Variants in PCDHGB3 observed in about 807,000 individuals in gnomAD.
The protein encoded by PCDHGB3 is protocadherin gamma-B3.
A neutral mutation model predicts 59.2 loss-of-function variants in PCDHGB3; 40 were observed. The ratio of observed to expected loss-of-function variants is 0.68; its 90% CI spans 0.52 to 0.88. The LOEUF (loss-of-function observed/expected upper bound fraction) is 0.88. Among genes scored for constraint, PCDHGB3 ranks in the 40% least tolerant of loss-of-function variants. The pLI, the probability that PCDHGB3 is intolerant of heterozygous loss-of-function variation, is 0.00. For synonymous variants in PCDHGB3, 581 were observed against 503.6 expected (o/e 1.15, Z -2.06); for missense variants, 1,309 against 1,187.9 (o/e 1.10, Z -1.50).
intron 1 of PCDHGB3, among the ~76,000 whole-genome samples, chr5:141,469,120 T>C (rs188113354): frequency 6.6e-6 from 1 of 151,574 alleles, no homozygotes; most frequent in East Asian, 1.9e-4. Context: ...CTAAAAAAAT[T>C]TAAAAATTAG....
intron 1 of PCDHGB3, chr5:141,411,163 C>T (rs1001422146): frequency 6.6e-6 from 1 of 152,132 alleles, no homozygotes; most frequent in African/African-American, 2.4e-5. Context: ...TTCTGACTAT[C>T]GAACAGAAGC....
At position 141,485,293 on chromosome 5, in the gene PCDHGB3, G is replaced by A. The variant is rs1356836741; in HGVS notation, c.2416-9514G>A. On this transcript the variant is annotated intron_variant, in intron 1 of 3. Transcript: ENST00000576222. The surrounding 1 kb of genome is among the most constrained non-coding windows in gnomAD (Gnocchi z 5.7). ...GCTACCCGGTCCCAGAGGAGTCACA[G>A]GAAGGGACTTTTGTAGGGAATGTCG... 1 of 1,614,170 alleles carries A rather than the reference G, an allele frequency of 6.2e-7. No individual in the cohort carries two copies.
intron 1 of PCDHGB3, chr5:141,398,283 G>A (rs1470207042): frequency 7.2e-7 from 1 of 1,396,846 alleles, no homozygotes; most frequent in East Asian, 2.5e-5. Context: ...ACCTCGCCAC[G>A]GACCTGGGGT....
intron 1 of PCDHGB3, among the ~76,000 whole-genome samples, chr5:141,458,412 G>A (rs2098945236): frequency 6.6e-6 from 1 of 152,034 alleles, no homozygotes; most frequent in Non-Finnish European, 1.5e-5. Context: ...ACGGAGCGGG[G>A]GTTCCAAAGC....
At position 141,427,625 on chromosome 5, in the gene PCDHGB3, T is replaced by G. The variant is rs150347956; in HGVS notation, c.2415+54816T>G. On this transcript the variant is annotated intron_variant, in intron 1 of 3. Coordinates refer to ENST00000576222, the MANE Select transcript of PCDHGB3 (RefSeq NM_018924.5). Reference sequence around the variant, plus strand: ...GCATTGGTGAAGTCAACGACAATGCTCCGGTTTTCCACCAAGTCTCCTACG... The same window carrying G: ...GCATTGGTGAAGTCAACGACAATGCGCCGGTTTTCCACCAAGTCTCCTACG... The G allele has an allele frequency of 2.7e-3, 1,907 of 699,068 alleles. 5 individuals are homozygous for G. The highest frequency in any genetic ancestry group is 4.1e-3 in the Non-Finnish European group (1,558 of 384,098). The allele number at this position is 699,068 out of a possible 1,614,324, so 43.3% of individuals were successfully genotyped here.
chr5:141,376,590 G>T, intron 1 of PCDHGB3: 3 of 1,570,160 alleles, frequency 1.9e-6, no homozygotes, highest in Non-Finnish European at 1.7e-6. Flanking sequence ...CAGCTAGATC[G>T]GCTGTTATAG....
chr5:141,432,276 C>G lies in PCDHGB3; in HGVS notation c.2415+59467C>G, dbSNP rs747589363. ...GGGGCAAGCCTATCGTCCTACGTGT[C>G]CATCAACTCCGACACTGGGGTACTG... On this transcript the variant is annotated intron_variant, in intron 1 of 3. Transcript: ENST00000576222. The surrounding 1 kb of genome is among the most constrained non-coding windows in gnomAD (Gnocchi z 6.0). 6.2e-7 allele frequency: 1 copy of G among 1,614,236 alleles called. No homozygotes were observed. Among genetic ancestry groups the G allele is most frequent in the Non-Finnish European group, 8.5e-7 (1 of 1,180,044 alleles).
At chr5:141,433,129 C>T in intron 1 of PCDHGB3, 1 of 1,614,130 alleles carries the variant, frequency 6.2e-7, no homozygotes, top group Non-Finnish European at 8.5e-7. Context: ...AAAGCGAGCC[C>T]CTTTTGCTGT....
intron 1 of PCDHGB3, chr5:141,384,489 A>G: frequency 6.2e-7 from 1 of 1,614,168 alleles, no homozygotes. Flanking sequence ...AACTACAACT[A>G]AGAGTGACTG....
At chr5:141,420,551 ATTTTTACGGCATGGT>A (rs2096505176) in intron 1 of PCDHGB3, 3 of 266,550 alleles carry the variant, frequency 1.1e-5, no homozygotes, top group Admixed American at 5.1e-5. Context: ...ATACAGGTAT[ATTTTTACGGCATGGT>A]ATTTTAATTG....
rs1449032006 is a variant in PCDHGB3 at position 141,438,617 on chromosome 5, TATATATATATATATATATAC to T, written c.2416-56188_2416-56169del. 2.9e-3 allele frequency among the ~76,000 whole-genome samples: 107 copies of T among 37,156 alleles called. 1 individual carries two copies. Among genetic ancestry groups the T allele is most frequent in the South Asian group, 0.015 (15 of 996 alleles). 24.4% of individuals were successfully genotyped at this position (37,156 alleles called of 152,430 possible). On this transcript the variant is annotated intron_variant, in intron 1 of 3. Transcript: ENST00000576222. Reference sequence around the variant, plus strand: ...ATATATATATATATATATATATATATATATATATATATATATATACACACACACACACACATATATGTATA... The same window carrying T: ...ATATATATATATATATATATATATATACACACACACACACATATATGTATA...
chr5:141,426,882 C>T, intron 1 of PCDHGB3: 1 of 456,664 alleles, frequency 2.2e-6, no homozygotes, highest in South Asian at 1.5e-5. Flanking sequence ...GCCCCTGGGC[C>T]AGGAGCAACA....
At chr5:141,397,216 T>C (rs772120141) in intron 1 of PCDHGB3, among the ~76,000 whole-genome samples, 32 of 152,186 alleles carry the variant, frequency 2.1e-4, no homozygotes, top group Non-Finnish European at 4.1e-4. Context: ...AGAGAAGTAT[T>C]TTGAGATATG....
chr5:141,455,159 G>GTT (rs1390145608), intron 1 of PCDHGB3, among the ~76,000 whole-genome samples: 4 of 144,860 alleles, frequency 2.8e-5, no homozygotes, highest in African/African-American at 7.8e-5. Context: ...TTAGTTTGTT[G>GTT]GTTTTTTTTT....
intron 1 of PCDHGB3, among the ~76,000 whole-genome samples, chr5:141,430,322 C>G (rs1266324669): frequency 6.7e-6 from 1 of 150,364 alleles, no homozygotes; most frequent in Non-Finnish European, 1.5e-5. Flanking sequence ...AGATTAAAAT[C>G]ATTGTTTATA....
chr5:141,370,799 A>G lies in PCDHGB3; in HGVS notation c.405A>G (p.Gln135=). 1 of 1,614,032 alleles carries G rather than the reference A, an allele frequency of 6.2e-7. No homozygotes were observed. Among genetic ancestry groups the G allele is most frequent in the Non-Finnish European group, 8.5e-7 (1 of 1,179,900 alleles). ...DINDNPPTFS[Q]NITELEISEL... is the part of the protein sequence containing the mutation. ...ACGACAACCCACCGACCTTTAGCCA[A>G]AATATCACTGAGCTGGAAATCAGCG... The change falls in exon 1 of 4, where the codon CAA becomes CAG. Residue 135 remains glutamine (Q), a synonymous_variant. Coordinates refer to ENST00000576222, the MANE Select transcript of PCDHGB3 (RefSeq NM_018924.5).
chr5:141,439,211 A>G (rs1438403213), intron 1 of PCDHGB3, among the ~76,000 whole-genome samples: 1 of 151,666 alleles, frequency 6.6e-6, no homozygotes, highest in Non-Finnish European at 1.5e-5. Flanking sequence ...AAAAATCCAT[A>G]TGTGAAAATT....
intron 1 of PCDHGB3, chr5:141,403,960 G>T (rs775638627): frequency 1.9e-6 from 3 of 1,613,776 alleles, no homozygotes; most frequent in South Asian, 2.2e-5. Context: ...TGCTCATTTC[G>T]GTGGAAGATG....
intron 1 of PCDHGB3, chr5:141,402,858 G>A: frequency 1.4e-6 from 2 of 1,427,466 alleles, no homozygotes; most frequent in Admixed American, 2.9e-5. Context: ...TTTCTTCTAA[G>A]GAAAAGATCA....
Sources: gnomAD v4.1 joint callset for allele counts (sites outside exome capture counted in the v4.1 genomes callset) on GRCh38, gnomAD v4.1.1 for gene constraint, Gnocchi (gnomAD v3.1) non-coding constraint, MANE v1.5 for transcripts, NCBI Gene and HGNC (gene_info 2026-07-23, HGNC 2026-07-21) for gene names.